Variants in MALRD1 observed in about 807,000 individuals in gnomAD.
The protein encoded by MALRD1 is MAM and LDL-receptor class A domain-containing protein 1.
In MALRD1, 247 loss-of-function variants were observed where a neutral mutation model predicts 242.1. The observed-to-expected ratio is 1.02, with a 90% confidence interval of 0.92 to 1.13. MALRD1 has a LOEUF of 1.13. Among genes scored for constraint, MALRD1 ranks in the 50% most tolerant of loss-of-function variants. The pLI, the probability that MALRD1 is intolerant of heterozygous loss-of-function variation, is 0.00. For synonymous variants in MALRD1, 995 were observed against 866.6 expected (o/e 1.15, Z -2.60); for missense variants, 2,989 against 2,533.1 (o/e 1.18, Z -3.86).
intron 21 of MALRD1, among the ~76,000 whole-genome samples, chr10:19,322,584 A>C (rs1842950424): frequency 6.6e-6 from 1 of 152,154 alleles, no homozygotes; most frequent in African/African-American, 2.4e-5. Flanking sequence ...AAGTTAAATA[A>C]TCTGCCTTAA....
chr10:19,321,910 G>T (rs148133764), intron 21 of MALRD1, among the ~76,000 whole-genome samples: 1 of 152,270 alleles, frequency 6.6e-6, no homozygotes, highest in African/African-American at 2.4e-5. Context: ...AGAATGAATA[G>T]AGTGAATCAA....
chr10:19,707,478 G>T (rs890354609), intron 38 of MALRD1, among the ~76,000 whole-genome samples: 2 of 152,204 alleles, frequency 1.3e-5, no homozygotes, highest in African/African-American at 4.8e-5. Flanking sequence ...TTTAAGAGAA[G>T]AATGCAGAGT....
At chr10:19,355,394 A>G (rs879463209) in intron 26 of MALRD1, among the ~76,000 whole-genome samples, 8 of 147,534 alleles carry the variant, frequency 5.4e-5, no homozygotes, top group Non-Finnish European at 1.2e-4. Flanking sequence ...AAGTTAATAT[A>G]AAAGGTTAAT....
chr10:19,631,038 A>G (rs1257574826), intron 36 of MALRD1, among the ~76,000 whole-genome samples: 2 of 152,150 alleles, frequency 1.3e-5, no homozygotes, highest in African/African-American at 2.4e-5. Flanking sequence ...GGAGGTTTGT[A>G]ATATAGGCAA....
At chr10:19,384,406 T>G in intron 26 of MALRD1, among the ~76,000 whole-genome samples, 1 of 70,200 alleles carries the variant, frequency 1.4e-5, no homozygotes, top group African/African-American at 5.7e-5. Flanking sequence ...TATTATATAG[T>G]ATATATAATA....
At chr10:19,479,621 G>A (rs192550329) in intron 29 of MALRD1, among the ~76,000 whole-genome samples, 211 of 152,284 alleles carry the variant, frequency 1.4e-3, no homozygotes, top group African/African-American at 4.5e-3. Flanking sequence ...TTCGCCATAA[G>A]TGCTAGTGTC....
chr10:19,216,974 AT>A (rs201304490), intron 18 of MALRD1, among the ~76,000 whole-genome samples: 5 of 149,614 alleles, frequency 3.3e-5, no homozygotes, highest in African/African-American at 9.9e-5. Context: ...ATAAAATAAA[AT>A]TAAAAAAAAT....
chr10:19,278,495 A>T (rs955962501), intron 19 of MALRD1, among the ~76,000 whole-genome samples: 20 of 152,228 alleles, frequency 1.3e-4, no homozygotes, highest in African/African-American at 4.8e-4. Flanking sequence ...CTATCCATCC[A>T]TCCATCTGTC....
intron 34 of MALRD1, 119 bp downstream of exon 34, chr10:19,595,576 A>G: frequency 8.4e-7 from 1 of 1,184,164 alleles, no homozygotes; most frequent in Non-Finnish European, 1.1e-6. Context: ...ATCATTAATA[A>G]CACAGCTTTC....
chr10:19,517,740 A>C (rs1432868836), intron 31 of MALRD1, among the ~76,000 whole-genome samples: 1 of 152,128 alleles, frequency 6.6e-6, no homozygotes, highest in Middle Eastern at 3.2e-3. Context: ...AATTGTTCGA[A>C]TAAAATCAGG....
intron 18 of MALRD1, among the ~76,000 whole-genome samples, chr10:19,232,008 C>G (rs561920660): frequency 1.9e-4 from 29 of 152,146 alleles, no homozygotes; most frequent in Admixed American, 9.8e-4. Flanking sequence ...GAATTCTGCT[C>G]TTTTATAGAG....
At chr10:19,334,062 C>G (rs903697172) in intron 24 of MALRD1, among the ~76,000 whole-genome samples, 2 of 141,000 alleles carry the variant, frequency 1.4e-5, no homozygotes, top group African/African-American at 5.3e-5. Flanking sequence ...TGTATGTATG[C>G]GTAGTCTGTG....
chr10:19,635,638 A>G (rs1316907564), intron 36 of MALRD1, among the ~76,000 whole-genome samples: 1 of 152,226 alleles, frequency 6.6e-6, no homozygotes, highest in African/African-American at 2.4e-5. Context: ...TGGAAAAGCT[A>G]CAATGTATGG....
intron 4 of MALRD1, among the ~76,000 whole-genome samples, chr10:19,102,653 C>T (rs759808661): frequency 7.3e-6 from 1 of 137,380 alleles, no homozygotes; most frequent in African/African-American, 2.8e-5. Flanking sequence ...CATCCATGAA[C>T]AAAGCCTCTA....
At chr10:19,285,401 C>G (rs2131897728) in intron 21 of MALRD1, among the ~76,000 whole-genome samples, 1 of 148,520 alleles carries the variant, frequency 6.7e-6, no homozygotes, top group South Asian at 2.2e-4. Flanking sequence ...ACGTTTAAAT[C>G]TTTAATCCAT....
At chr10:19,441,382 T>G (rs959804304) in intron 28 of MALRD1, among the ~76,000 whole-genome samples, 6 of 152,204 alleles carry the variant, frequency 3.9e-5, no homozygotes, top group Non-Finnish European at 8.8e-5. Context: ...TTGTTGCCAT[T>G]GTTTTTGGTG....
chr10:19,450,836 G>A (rs1835282881), intron 29 of MALRD1, among the ~76,000 whole-genome samples: 1 of 152,092 alleles, frequency 6.6e-6, no homozygotes, highest in South Asian at 2.1e-4. Context: ...CCTTCTTGCT[G>A]TGTCTTCACT....
At chr10:19,113,787 C>T (rs1334816880) in intron 5 of MALRD1, among the ~76,000 whole-genome samples, 1 of 133,956 alleles carries the variant, frequency 7.5e-6, no homozygotes, top group East Asian at 2.2e-4. Context: ...GCCACTACCA[C>T]CCCCTACACA....
chr10:19,444,630 T>A (rs1442879270), intron 28 of MALRD1, among the ~76,000 whole-genome samples: 1 of 152,192 alleles, frequency 6.6e-6, no homozygotes, highest in African/African-American at 2.4e-5. Context: ...ATGTTGAATA[T>A]TGGCCCTCAC....
Sources: gnomAD v4.1 joint callset for allele counts (sites outside exome capture counted in the v4.1 genomes callset) on GRCh38, gnomAD v4.1.1 for gene constraint, MANE v1.5 for transcripts, NCBI Gene and HGNC (gene_info 2026-07-23, HGNC 2026-07-21) for gene names.